ATP9A: variants seen among roughly 807,000 people sequenced by gnomAD.
The protein encoded by ATP9A is ATPase phospholipid transporting 9A.
A neutral mutation model predicts 144.1 loss-of-function variants in ATP9A; 52 were observed. That is an observed-to-expected ratio of 0.36 (90% CI 0.29 to 0.45). ATP9A has a LOEUF of 0.45. ATP9A is among the 20% of genes least tolerant of loss of function. ATP9A has a pLI of 1.00. For synonymous variants in ATP9A, 582 were observed against 557.4 expected, an observed-to-expected ratio of 1.04 and a Z score of -0.62; for missense variants, 947 against 1,392.7, an observed-to-expected ratio of 0.68 and a Z score of 5.09.
intron 17 of ATP9A, among the ~76,000 whole-genome samples, chr20:51,626,808 G>C (rs2077250846): frequency 6.6e-6 from 1 of 152,082 alleles, no homozygotes; most frequent in African/African-American, 2.4e-5. Flanking sequence ...TGTAATCCCT[G>C]CACTTTGGGA....
intron 14 of ATP9A, among the ~76,000 whole-genome samples, chr20:51,656,541 A>C (rs1390585876): frequency 6.6e-6 from 1 of 152,184 alleles, no homozygotes; most frequent in Non-Finnish European, 1.5e-5. Flanking sequence ...CAAAAGAGTG[A>C]GACTGTATCT....
At chr20:51,702,305 A>AG (rs2077596945) in intron 4 of ATP9A, among the ~76,000 whole-genome samples, 1 of 151,594 alleles carries the variant, frequency 6.6e-6, no homozygotes, top group South Asian at 2.1e-4. Context: ...AAAAAAAAAA[A>AG]AAAAATTAAA....
chr20:51,637,306 T>TAAAAAAAAAAA (rs3029335), intron 15 of ATP9A, among the ~76,000 whole-genome samples: 2 of 89,984 alleles, frequency 2.2e-5, no homozygotes, highest in Non-Finnish European at 4.1e-5. Context: ...TCCCTAACAT[T>TAAAAAAAAAAA]AAAAAAAAAA....
At chr20:51,717,113 A>T (rs561481400) in intron 3 of ATP9A, among the ~76,000 whole-genome samples, 5 of 149,784 alleles carry the variant, frequency 3.3e-5, no homozygotes, top group African/African-American at 1.2e-4. Context: ...CGGAAGTTAC[A>T]GTGAGCTGAG....
chr20:51,625,500 C>G, intron 17 of ATP9A, 138 bp from the exon 18 acceptor site: 1 of 951,348 alleles, frequency 1.1e-6, no homozygotes, highest in Non-Finnish European at 1.5e-6. Flanking sequence ...CTGGACCCCA[C>G]AGGGGTGACA....
At chr20:51,619,294 TG>T (rs2077216470) in intron 19 of ATP9A, among the ~76,000 whole-genome samples, 1 of 152,206 alleles carries the variant, frequency 6.6e-6, no homozygotes, top group African/African-American at 2.4e-5. Context: ...CCAAGCGCAG[TG>T]GCTCATGCCT....
At position 51,685,038 on chromosome 20, in the gene ATP9A, A is replaced by T. The variant is rs1198021908; in HGVS notation, c.799+4026T>A. Reference sequence around the variant, plus strand: ...AAAATAAAAAAAAAAAAAAAAAAAAAAATACAAATAAATAGTAAACATAAA... The same window carrying T: ...AAAATAAAAAAAAAAAAAAAAAAAATAATACAAATAAATAGTAAACATAAA... On this transcript the variant is annotated intron_variant, in intron 9 of 27. Coordinates refer to ENST00000338821, the MANE Select transcript of ATP9A (RefSeq NM_006045.3). 5.5e-5 allele frequency among the ~76,000 whole-genome samples: 8 copies of T among 144,748 alleles called. No homozygotes were observed. In the East Asian group the frequency reaches 1.0e-3, roughly 19 times the overall value. 95.0% of individuals were successfully genotyped at this position (144,748 alleles called of 152,430 possible).
intron 3 of ATP9A, among the ~76,000 whole-genome samples, chr20:51,713,718 C>G (rs1418713435): frequency 6.6e-6 from 1 of 152,170 alleles, no homozygotes; most frequent in Admixed American, 6.5e-5. Context: ...ATTCACAGAG[C>G]CAAGTGGAAA....
rs1351679960 is a variant in ATP9A at position 51,638,094 on chromosome 20, T to TAGC, written c.1668+1248_1668+1249insGCT. ...TTTTATATATATATATATATATATA[T>TAGC]ATATATATATATATATATATATATA... is the stretch of plus-strand genomic sequence containing the variant. On this transcript the variant is annotated intron_variant, in intron 15 of 27. Coordinates refer to ENST00000338821, the MANE Select transcript of ATP9A (RefSeq NM_006045.3). Among the ~76,000 whole-genome samples the TAGC allele has an allele frequency of 7.3e-5, 4 of 54,756 alleles. 1 individual carries two copies. The highest frequency in any genetic ancestry group is 2.3e-4 in the African/African-American group (4 of 17,124). 35.9% of individuals were successfully genotyped at this position (54,756 alleles called of 152,430 possible). A position where few individuals can be genotyped will look rare whatever the true frequency, so the allele number is the denominator to read the frequency against.
At chr20:51,604,240 G>A (rs1397303346) in intron 27 of ATP9A, among the ~76,000 whole-genome samples, 17 of 152,202 alleles carry the variant, frequency 1.1e-4, no homozygotes, top group Admixed American at 7.2e-4. Context: ...TGGCGAGCCC[G>A]TCCACCTCAT....
chr20:51,767,073 CTTT>C (rs10574254), intron 1 of ATP9A, among the ~76,000 whole-genome samples: 9,129 of 140,688 alleles, frequency 0.065, 666 homozygotes, highest in African/African-American at 0.18. Context: ...CAGCACCATT[CTTT>C]TTTTTTTTTT....
At chr20:51,711,048 A>C (rs928352880) in intron 4 of ATP9A, among the ~76,000 whole-genome samples, 1 of 152,146 alleles carries the variant, frequency 6.6e-6, no homozygotes, top group Non-Finnish European at 1.5e-5. Context: ...CGAACCACAC[A>C]CAAAAAAAGC....
intron 1 of ATP9A, among the ~76,000 whole-genome samples, chr20:51,757,394 G>A (rs1428229307): frequency 4.6e-5 from 7 of 152,144 alleles, no homozygotes. Flanking sequence ...GGTAGGAGCA[G>A]GGCACTGTTG....
intron 8 of ATP9A, among the ~76,000 whole-genome samples, chr20:51,690,043 C>T (rs1005190258): frequency 1.5e-5 from 2 of 135,974 alleles, no homozygotes; most frequent in Non-Finnish European, 3.0e-5. Flanking sequence ...ACCCGGGAGG[C>T]AGAGGTTCCA....
At chr20:51,733,672 C>T (rs1275151128) in intron 1 of ATP9A, among the ~76,000 whole-genome samples, 4 of 149,046 alleles carry the variant, frequency 2.7e-5, no homozygotes, top group Admixed American at 2.7e-4. Flanking sequence ...TGTACCTGGC[C>T]TTTTTTTTTT....
rs2235859 is a variant in ATP9A at position 51,625,175 on chromosome 20, C to T, written c.2016+17G>A. ...CATTGCCCTGGAGTGCCCTTCCCTGCGGGCAGCCCGCCCTACCTTGATGCC... is the reference window on the plus strand; with the variant it reads ...CATTGCCCTGGAGTGCCCTTCCCTGTGGGCAGCCCGCCCTACCTTGATGCC... On this transcript the variant is annotated intron_variant, in intron 18 of 27. Transcript: ENST00000338821. 25 of 1,599,602 alleles carry T rather than the reference C, an allele frequency of 1.6e-5. No homozygotes were observed. The highest frequency in any genetic ancestry group is 4.5e-5 in the East Asian group (2 of 44,776).
rs776512254 is a variant in ATP9A at position 51,690,745 on chromosome 20, A to G, written c.717T>C (p.Phe239=). ...GTGAAGGAAGCTCACTTACTCGGGT[A>G]AAAGTTCCCACGAAGTTGTGAATGT... ...NIDIHNFVGT[F]TREDSDPPIS... Residue 239 remains phenylalanine, a synonymous_variant, in exon 8 of 28, where the codon TTT becomes TTC. Transcript: ENST00000338821. 2 of 1,613,664 alleles carry G rather than the reference A, an allele frequency of 1.2e-6. No individual in the cohort carries two copies. The highest frequency in any genetic ancestry group is 1.7e-6 in the Non-Finnish European group (2 of 1,179,560).
intron 14 of ATP9A, among the ~76,000 whole-genome samples, chr20:51,650,775 T>C (rs370863047): frequency 3.3e-5 from 5 of 152,132 alleles, no homozygotes; most frequent in Non-Finnish European, 1.5e-5. Flanking sequence ...TGCTGATTCA[T>C]TGCTCTGGAA....
Position 51,627,187 on chromosome 20 carries a change from G to C in ATP9A, c.1845+413C>G, listed in dbSNP as rs2077252713. On this transcript the variant is annotated intron_variant, in intron 17 of 27. Transcript: ENST00000338821. ...AGATGAATGTTAAAAAAAAATATAT[G>C]AACAGGGTCAAGTTTATATTCTTCT... Among the ~76,000 whole-genome samples the C allele has an allele frequency of 1.3e-5, 2 of 151,758 alleles. 1 individual carries two copies. Among genetic ancestry groups the C allele is most frequent in the South Asian group, 4.2e-4 (2 of 4,818 alleles).
Sources: allele counts gnomAD v4.1 joint callset (sites outside exome capture counted in the v4.1 genomes callset), GRCh38; gene constraint gnomAD v4.1.1; transcripts MANE v1.5; gene names NCBI Gene and HGNC (gene_info 2026-07-23, HGNC 2026-07-21).